The following PID1 variants were observed in gnomAD, a reference collection of about 807,000 sequenced individuals.
PID1 encodes PTB-containing, cubilin and LRP1-interacting protein.
A neutral mutation model predicts 19.1 loss-of-function variants in PID1; 10 were observed. The ratio of observed to expected loss-of-function variants is 0.52; its 90% CI spans 0.32 to 0.89. The LOEUF (loss-of-function observed/expected upper bound fraction) is 0.89. PID1 is among the 40% of genes least tolerant of loss of function. PID1 has a pLI of 0.03. For missense variants in PID1, 248 were observed against 285.3 expected (o/e 0.87, Z 0.94); for synonymous variants, 130 against 116.0 (o/e 1.12, Z -0.78).
intron 2 of PID1, among the ~76,000 whole-genome samples, chr2:229,134,182 A>G (rs1241292285): frequency 1.3e-5 from 2 of 150,868 alleles, no homozygotes; most frequent in Non-Finnish European, 2.9e-5. Context: ...ATTGCCAAAG[A>G]CTGAACTATT....
At chr2:229,232,198 C>G in intron 1 of PID1, 2 of 1,291,638 alleles carry the variant, frequency 1.5e-6, no homozygotes, top group Non-Finnish European at 2.0e-6. Flanking sequence ...CCGAGACAGT[C>G]AGATCATGAA....
At chr2:229,213,798 A>G (rs1199468609) in intron 1 of PID1, among the ~76,000 whole-genome samples, 1 of 152,212 alleles carries the variant, frequency 6.6e-6, no homozygotes, top group Non-Finnish European at 1.5e-5. Context: ...AAATCATACA[A>G]TATGTTGTCT....
intron 1 of PID1, among the ~76,000 whole-genome samples, chr2:229,256,846 G>A (rs1321861501): frequency 6.6e-6 from 1 of 152,130 alleles, no homozygotes; most frequent in Non-Finnish European, 1.5e-5. Context: ...CGGCAACCAG[G>A]AGCTAAGTGT....
chr2:229,151,715 TG>T (rs530850682), intron 2 of PID1, among the ~76,000 whole-genome samples: 195 of 151,964 alleles, frequency 1.3e-3, no homozygotes, highest in Non-Finnish European at 2.2e-3. Flanking sequence ...CGACGACAGG[TG>T]CCCACCACCA....
intron 1 of PID1, among the ~76,000 whole-genome samples, chr2:229,164,219 T>C (rs1376558733): frequency 6.6e-6 from 1 of 152,152 alleles, no homozygotes; most frequent in Non-Finnish European, 1.5e-5. Context: ...ATTACTTGCT[T>C]GTCCCTTTTA....
chr2:229,168,658 AT>A, intron 1 of PID1, among the ~76,000 whole-genome samples: 1 of 152,152 alleles, frequency 6.6e-6, no homozygotes, highest in Non-Finnish European at 1.5e-5. Flanking sequence ...TAAATTCCAT[AT>A]CTGAGTCTAC....
At chr2:229,120,139 G>A (rs1249785990) in intron 2 of PID1, among the ~76,000 whole-genome samples, 1 of 151,996 alleles carries the variant, frequency 6.6e-6, no homozygotes, top group East Asian at 1.9e-4. Flanking sequence ...TTCTTACAAG[G>A]TATTGCCTAT....
chr2:229,102,736 C>T (rs1435518792), intron 2 of PID1, among the ~76,000 whole-genome samples: 1 of 152,176 alleles, frequency 6.6e-6, no homozygotes, highest in African/African-American at 2.4e-5. Context: ...GGGGCCTCTA[C>T]CTGACAATTA....
intron 2 of PID1, among the ~76,000 whole-genome samples, chr2:229,138,258 T>C (rs1200273495): frequency 2.0e-5 from 3 of 152,180 alleles, no homozygotes; most frequent in Non-Finnish European, 4.4e-5. Context: ...GTGTAAAAGC[T>C]AGCACATCTG....
chr2:229,168,297 T>C (rs111332478), intron 1 of PID1, among the ~76,000 whole-genome samples: 4 of 152,180 alleles, frequency 2.6e-5, no homozygotes, highest in African/African-American at 7.2e-5. Context: ...CAATTACATA[T>C]ATTTTAGACC....
At chr2:229,069,140 T>TG (rs1491317401) in intron 2 of PID1, among the ~76,000 whole-genome samples, 35 of 104,568 alleles carry the variant, frequency 3.3e-4, no homozygotes, top group Non-Finnish European at 5.3e-4. Context: ...ACGAGAAGGG[T>TG]TTTTGTGTGT....
At chr2:229,182,476 G>T (rs1690966363) in intron 1 of PID1, among the ~76,000 whole-genome samples, 1 of 151,960 alleles carries the variant, frequency 6.6e-6, no homozygotes, top group Non-Finnish European at 1.5e-5. Context: ...AAAATCTTAG[G>T]TACTTAGAGG....
chr2:229,214,698 G>A (rs1328122605), intron 1 of PID1, among the ~76,000 whole-genome samples: 2 of 152,122 alleles, frequency 1.3e-5, no homozygotes, highest in Non-Finnish European at 2.9e-5. Context: ...TTTATGCCCT[G>A]AATATCAATG....
intron 1 of PID1, among the ~76,000 whole-genome samples, chr2:229,195,512 T>C (rs1046043934): frequency 1.3e-5 from 2 of 151,916 alleles, no homozygotes; most frequent in African/African-American, 4.8e-5. Context: ...CCTTAAACAC[T>C]AGGATACTGT....
intron 1 of PID1, among the ~76,000 whole-genome samples, chr2:229,213,354 T>C (rs1691779056): frequency 6.6e-6 from 1 of 152,184 alleles, no homozygotes; most frequent in Non-Finnish European, 1.5e-5. Flanking sequence ...TCTCCAGCCA[T>C]TTTGAGTGTC....
chr2:229,200,567 C>T (rs959458889), intron 1 of PID1, among the ~76,000 whole-genome samples: 1 of 151,916 alleles, frequency 6.6e-6, no homozygotes, highest in African/African-American at 2.4e-5. Context: ...GGCAGCTTGT[C>T]GGAGAAAAGG....
chr2:229,270,756 T>G (rs1009619132), intron 1 of PID1, among the ~76,000 whole-genome samples: 1 of 151,874 alleles, frequency 6.6e-6, no homozygotes, highest in Non-Finnish European at 1.5e-5. Flanking sequence ...CAACCTTATA[T>G]GTACCAACCA....
intron 2 of PID1, among the ~76,000 whole-genome samples, chr2:229,101,983 TA>T (rs1695082894): frequency 6.6e-6 from 1 of 152,102 alleles, no homozygotes; most frequent in African/African-American, 2.4e-5. Context: ...TCAAGGCCCT[TA>T]AATGTAGAGA....
At chr2:229,229,025 A>G (rs1249571864) in intron 1 of PID1, among the ~76,000 whole-genome samples, 1 of 152,206 alleles carries the variant, frequency 6.6e-6, no homozygotes, top group East Asian at 1.9e-4. Flanking sequence ...ATCAAATTAG[A>G]TAATGGAGAC....
Sources: gnomAD v4.1 joint callset for allele counts (sites outside exome capture counted in the v4.1 genomes callset) on GRCh38, gnomAD v4.1.1 for gene constraint, MANE v1.5 for transcripts, NCBI Gene and HGNC (gene_info 2026-07-23, HGNC 2026-07-21) for gene names.